Variants in MDGA2 observed in about 807,000 individuals in gnomAD.
The protein encoded by MDGA2 is MAM domain containing glycosylphosphatidylinositol anchor 2.
A neutral mutation model predicts 117.8 loss-of-function variants in MDGA2; 40 were observed. The ratio of observed to expected loss-of-function variants is 0.34; its 90% CI spans 0.26 to 0.44. The LOEUF (loss-of-function observed/expected upper bound fraction) is 0.44, where lower values mean the gene tolerates loss of function less well. Ranked by LOEUF, MDGA2 falls within the 20% of genes least tolerant of loss-of-function variation. The pLI, the probability that MDGA2 is intolerant of heterozygous loss-of-function variation, is 1.00. For synonymous variants in MDGA2, 452 were observed against 439.0 expected (o/e 1.03, Z -0.37); for missense variants, 1,123 against 1,250.6 (o/e 0.90, Z 1.54).
intron 2 of MDGA2, among the ~76,000 whole-genome samples, chr14:47,262,878 A>T (rs1266483299): frequency 1.3e-5 from 2 of 152,128 alleles, no homozygotes; most frequent in Non-Finnish European, 2.9e-5. Flanking sequence ...ACAAGGAAAA[A>T]ATGTCATAGC....
chr14:47,361,412 T>C (rs1279921535), intron 1 of MDGA2, among the ~76,000 whole-genome samples: 2 of 152,032 alleles, frequency 1.3e-5, no homozygotes, highest in Non-Finnish European at 2.9e-5. Context: ...AAAATAAATT[T>C]CTGATGTTGA....
At chr14:47,359,959 T>A (rs1358902164) in intron 1 of MDGA2, among the ~76,000 whole-genome samples, 1 of 152,102 alleles carries the variant, frequency 6.6e-6, no homozygotes, top group Non-Finnish European at 1.5e-5. Context: ...AGAAAAAGTA[T>A]TTGTGAACCA....
chr14:47,040,382 G>A (rs758324957), intron 7 of MDGA2, among the ~76,000 whole-genome samples: 10 of 151,896 alleles, frequency 6.6e-5, no homozygotes, highest in Admixed American at 2.6e-4. Context: ...TATATATAGT[G>A]CATAATAACA....
chr14:46,855,500 G>T lies in MDGA2; in HGVS notation c.2753-346C>A, dbSNP rs1881234747. On this transcript the variant is annotated intron_variant, in intron 14 of 16. Transcript: ENST00000399232. The surrounding 1 kb of genome is among the most constrained non-coding windows in gnomAD (Gnocchi z 4.1). Reference sequence around the variant, plus strand: ...GCAGAGGGAGATTTGATACAGGAAAGAAGGCCATGAGAGATAGAGATGTTA... The same window carrying T: ...GCAGAGGGAGATTTGATACAGGAAATAAGGCCATGAGAGATAGAGATGTTA... Among the ~76,000 whole-genome samples the T allele has an allele frequency of 1.3e-5, 2 of 152,136 alleles. No individual in the cohort carries two copies. Among genetic ancestry groups the T allele is most frequent in the African/African-American group, 4.8e-5 (2 of 41,450 alleles).
At chr14:47,158,488 T>TA in intron 3 of MDGA2, among the ~76,000 whole-genome samples, 1 of 151,434 alleles carries the variant, frequency 6.6e-6, no homozygotes, top group East Asian at 1.9e-4. Flanking sequence ...GCAGCCTTTT[T>TA]TTTTTTTTCT....
intron 1 of MDGA2, among the ~76,000 whole-genome samples, chr14:47,323,857 T>G (rs770013787): frequency 6.6e-6 from 1 of 152,104 alleles, no homozygotes; most frequent in East Asian, 1.9e-4. Context: ...ATGGAAGAAA[T>G]CGGTATGAGA....
At chr14:47,468,201 A>T (rs764599152) in intron 1 of MDGA2, among the ~76,000 whole-genome samples, 4 of 152,150 alleles carry the variant, frequency 2.6e-5, no homozygotes, top group Non-Finnish European at 1.5e-5. Flanking sequence ...ATAGCCTCAA[A>T]CCAACTTCGT....
chr14:46,972,083 G>C (rs1886291050), intron 8 of MDGA2, among the ~76,000 whole-genome samples: 1 of 152,118 alleles, frequency 6.6e-6, no homozygotes, highest in African/African-American at 2.4e-5. Flanking sequence ...AGAATCTATA[G>C]CTGGTAGGTT....
chr14:47,658,177 CA>C (rs1291140984), intron 1 of MDGA2, among the ~76,000 whole-genome samples: 1 of 152,134 alleles, frequency 6.6e-6, no homozygotes, highest in Non-Finnish European at 1.5e-5. Context: ...AGTCACTTTT[CA>C]GGCAGGGATA....
intron 3 of MDGA2, among the ~76,000 whole-genome samples, chr14:47,180,583 C>T (rs1242070595): frequency 6.6e-6 from 1 of 152,132 alleles, no homozygotes; most frequent in African/African-American, 2.4e-5. Context: ...AAAAGCTCAA[C>T]ATCACTGATC....
chr14:46,860,295 A>C (rs1349527474), intron 14 of MDGA2, among the ~76,000 whole-genome samples: 1 of 152,028 alleles, frequency 6.6e-6, no homozygotes, highest in African/African-American at 2.4e-5. Flanking sequence ...TATAATCAGC[A>C]CATTTATTAT....
intron 1 of MDGA2, among the ~76,000 whole-genome samples, chr14:47,607,678 G>A (rs1468277107): frequency 6.6e-6 from 1 of 152,038 alleles, no homozygotes; most frequent in Admixed American, 6.6e-5. Flanking sequence ...TCAGATCAAT[G>A]GACAAAGCAG....
At chr14:47,492,052 C>A (rs1262231596) in intron 1 of MDGA2, among the ~76,000 whole-genome samples, 1 of 152,060 alleles carries the variant, frequency 6.6e-6, no homozygotes, top group African/African-American at 2.4e-5. Flanking sequence ...AATCTGTGAC[C>A]ATTCGAGAAC....
chr14:47,515,267 C>T (rs1235454088), intron 1 of MDGA2, among the ~76,000 whole-genome samples: 2 of 152,112 alleles, frequency 1.3e-5, no homozygotes, highest in South Asian at 2.1e-4. Flanking sequence ...ATTTAAGATG[C>T]TTCCCCTGGC....
chr14:47,389,185 C>T (rs1891833180), intron 1 of MDGA2, among the ~76,000 whole-genome samples: 1 of 152,048 alleles, frequency 6.6e-6, no homozygotes, highest in African/African-American at 2.4e-5. Context: ...TAGCAAATAG[C>T]TGGTGCTTCA....
At chr14:47,257,729 C>T (rs550733680) in intron 2 of MDGA2, among the ~76,000 whole-genome samples, 1 of 152,088 alleles carries the variant, frequency 6.6e-6, no homozygotes, top group Admixed American at 6.6e-5. Flanking sequence ...GAAAGCGTCA[C>T]TTGGCCTGAA....
chr14:47,007,543 G>C (rs1887754832), intron 8 of MDGA2, among the ~76,000 whole-genome samples: 1 of 151,778 alleles, frequency 6.6e-6, no homozygotes, highest in Non-Finnish European at 1.5e-5. Context: ...GATGAACACA[G>C]ATAACTAAAT....
At chr14:47,313,035 A>T (rs1172313300) in intron 1 of MDGA2, among the ~76,000 whole-genome samples, 1 of 151,718 alleles carries the variant, frequency 6.6e-6, no homozygotes, top group Non-Finnish European at 1.5e-5. Flanking sequence ...GTAACTAAGC[A>T]TTATTTGTAG....
intron 1 of MDGA2, among the ~76,000 whole-genome samples, chr14:47,659,991 T>C (rs919643360): frequency 6.6e-6 from 1 of 152,116 alleles, no homozygotes; most frequent in Middle Eastern, 3.2e-3. Flanking sequence ...GGTCAGATAT[T>C]AGGAAGCCAT....
Sources: allele counts gnomAD v4.1 joint callset (sites outside exome capture counted in the v4.1 genomes callset), GRCh38; gene constraint gnomAD v4.1.1; non-coding constraint Gnocchi (gnomAD v3.1); transcripts MANE v1.5; gene names NCBI Gene and HGNC (gene_info 2026-07-23, HGNC 2026-07-21).